Variants in HS6ST3 observed in about 807,000 individuals in gnomAD.
HS6ST3 encodes heparan-sulfate 6-O-sulfotransferase 3.
A neutral mutation model predicts 36.7 loss-of-function variants in HS6ST3; 12 were observed. That is an observed-to-expected ratio of 0.33 (90% CI 0.21 to 0.53). HS6ST3 has a LOEUF of 0.53. Among genes scored for constraint, HS6ST3 ranks in the 20% least tolerant of loss-of-function variants. The pLI is 0.95. For missense variants in HS6ST3, 584 were observed against 640.9 expected (o/e 0.91, Z 0.96); for synonymous variants, 240 against 257.5 (o/e 0.93, Z 0.65).
At chr13:96,431,832 A>G (rs949300965) in intron 1 of HS6ST3, among the ~76,000 whole-genome samples, 7 of 152,328 alleles carry the variant, frequency 4.6e-5, no homozygotes, top group African/African-American at 1.7e-4. Flanking sequence ...AGTTCCTCAA[A>G]GCCCCAGCTC....
At chr13:96,119,895 CTG>C (rs1368178591) in intron 1 of HS6ST3, among the ~76,000 whole-genome samples, 1 of 147,756 alleles carries the variant, frequency 6.8e-6, no homozygotes, top group Admixed American at 6.7e-5. Flanking sequence ...AAAAAGGAAA[CTG>C]TGCTCTACCC....
At chr13:96,303,506 G>A (rs2054893750) in intron 1 of HS6ST3, among the ~76,000 whole-genome samples, 1 of 152,104 alleles carries the variant, frequency 6.6e-6, no homozygotes, top group Non-Finnish European at 1.5e-5. Flanking sequence ...AATATTTATT[G>A]CCTGAGGCAT....
intron 1 of HS6ST3, among the ~76,000 whole-genome samples, chr13:96,729,057 C>T (rs888151925): frequency 1.3e-5 from 2 of 152,128 alleles, no homozygotes; most frequent in East Asian, 1.9e-4. Context: ...AGCTTTCTTT[C>T]GTTGTCTAAT....
chr13:96,651,139 A>G (rs2056605863), intron 1 of HS6ST3, among the ~76,000 whole-genome samples: 1 of 152,012 alleles, frequency 6.6e-6, no homozygotes, highest in African/African-American at 2.4e-5. Flanking sequence ...CTTTCCTTCT[A>G]ATTTTTCTAT....
intron 1 of HS6ST3, among the ~76,000 whole-genome samples, chr13:96,644,293 G>T (rs2056580535): frequency 6.6e-6 from 1 of 151,954 alleles, no homozygotes; most frequent in Non-Finnish European, 1.5e-5. Context: ...CTCAAGAAAA[G>T]GTTTGACATT....
At chr13:96,610,432 T>C (rs2056453400) in intron 1 of HS6ST3, among the ~76,000 whole-genome samples, 2 of 152,190 alleles carry the variant, frequency 1.3e-5, no homozygotes, top group African/African-American at 4.8e-5. Flanking sequence ...ACATTACTGA[T>C]TTTCAGTGCC....
At chr13:96,576,670 A>G (rs1044131945) in intron 1 of HS6ST3, among the ~76,000 whole-genome samples, 12 of 152,096 alleles carry the variant, frequency 7.9e-5, no homozygotes, top group African/African-American at 2.9e-4. Flanking sequence ...GGCCAGGTTC[A>G]GTGGCTCATG....
At chr13:96,475,841 T>C (rs2055861760) in intron 1 of HS6ST3, among the ~76,000 whole-genome samples, 1 of 152,144 alleles carries the variant, frequency 6.6e-6, no homozygotes, top group Admixed American at 6.5e-5. Context: ...ATGAGGAATT[T>C]GCAAATTGAA....
intron 1 of HS6ST3, among the ~76,000 whole-genome samples, chr13:96,196,781 C>T (rs919830648): frequency 6.6e-6 from 1 of 152,280 alleles, no homozygotes; most frequent in Non-Finnish European, 1.5e-5. Context: ...TGGTTTCTGT[C>T]CTTCTCTTTC....
chr13:96,094,477 T>C (rs928014486), intron 1 of HS6ST3, among the ~76,000 whole-genome samples: 1 of 152,206 alleles, frequency 6.6e-6, no homozygotes, highest in Non-Finnish European at 1.5e-5. Flanking sequence ...CATCCTAGGT[T>C]GCAAACTTAA....
intron 1 of HS6ST3, among the ~76,000 whole-genome samples, chr13:96,466,101 C>T (rs184305301): frequency 3.3e-5 from 5 of 151,812 alleles, no homozygotes; most frequent in African/African-American, 9.7e-5. Flanking sequence ...ATCAACATGG[C>T]GAAACCCTGT....
chr13:96,405,756 A>C (rs2055475177), intron 1 of HS6ST3, among the ~76,000 whole-genome samples: 1 of 152,180 alleles, frequency 6.6e-6, no homozygotes, highest in Admixed American at 6.5e-5. Flanking sequence ...GCCAGTGCAA[A>C]AAAGGACAGG....
intron 1 of HS6ST3, among the ~76,000 whole-genome samples, chr13:96,581,673 A>T (rs1218568944): frequency 6.6e-6 from 1 of 152,232 alleles, no homozygotes; most frequent in Non-Finnish European, 1.5e-5. Context: ...AGCTTTCAAA[A>T]AGCAAAACAA....
chr13:96,742,430 G>A (rs1876463663), intron 1 of HS6ST3, among the ~76,000 whole-genome samples: 1 of 152,014 alleles, frequency 6.6e-6, no homozygotes, highest in Non-Finnish European at 1.5e-5. Context: ...TGATACACAT[G>A]AAATGACACC....
At position 96,835,554 on chromosome 13, in the gene HS6ST3, G is replaced by A. The variant is rs1224668724; in HGVS notation, c.*2356G>A. 1 of 150,892 alleles carries A rather than the reference G, an allele frequency of 6.6e-6. No homozygotes were observed. The highest frequency in any genetic ancestry group is 2.5e-5 in the African/African-American group (1 of 40,786). The allele number at this position is 150,892 out of a possible 1,614,324, so 9.3% of individuals were successfully genotyped here. ...TCTCATCTCATTGTTAGGATCTAAT[G>A]TTCTGCCTAGAATAGCAGGACTGCA... On this transcript the variant is annotated 3_prime_UTR_variant, in exon 2 of 2. Transcript: ENST00000376705.
intron 1 of HS6ST3, among the ~76,000 whole-genome samples, chr13:96,281,042 C>T (rs1305076955): frequency 6.6e-6 from 1 of 152,054 alleles, no homozygotes; most frequent in Non-Finnish European, 1.5e-5. Flanking sequence ...GAGTCTCGCT[C>T]TATCACTAGG....
At chr13:96,478,559 C>A (rs1230311098) in intron 1 of HS6ST3, among the ~76,000 whole-genome samples, 1 of 152,088 alleles carries the variant, frequency 6.6e-6, no homozygotes, top group Non-Finnish European at 1.5e-5. Context: ...GAAATGAAAT[C>A]TGATCTCACT....
At chr13:96,323,883 C>G (rs913525142) in intron 1 of HS6ST3, among the ~76,000 whole-genome samples, 2 of 152,206 alleles carry the variant, frequency 1.3e-5, no homozygotes, top group Admixed American at 1.3e-4. Context: ...CCATTTCGTT[C>G]AGTGCCAAGA....
At chr13:96,484,918 T>C in intron 1 of HS6ST3, among the ~76,000 whole-genome samples, 1 of 152,182 alleles carries the variant, frequency 6.6e-6, no homozygotes, top group Non-Finnish European at 1.5e-5. Flanking sequence ...TCCATACTGT[T>C]TTTCATAATG....
Sources: allele counts gnomAD v4.1 joint callset (sites outside exome capture counted in the v4.1 genomes callset), GRCh38; gene constraint gnomAD v4.1.1; transcripts MANE v1.5; gene names NCBI Gene and HGNC (gene_info 2026-07-23, HGNC 2026-07-21).